Variants in ATRX observed in about 807,000 individuals in gnomAD.
ATRX encodes the protein ATRX chromatin remodeler.
Under a neutral mutation model 172.6 loss-of-function variants are expected in ATRX, and 12 were observed. The observed-to-expected ratio is 0.07, with a 90% CI of 0.04 to 0.11. The LOEUF (loss-of-function observed/expected upper bound fraction) is 0.11, where lower values mean the gene tolerates loss of function less well. Among genes scored for constraint, ATRX ranks in the 10% least tolerant of loss-of-function variants. ATRX has a pLI of 1.00. For missense variants in ATRX, 1,368 were observed against 1,767.4 expected, an observed-to-expected ratio of 0.77 and a Z score of 4.05; for synonymous variants, 674 against 594.7, an observed-to-expected ratio of 1.13 and a Z score of -1.94.
intron 34 of ATRX, among the ~76,000 whole-genome samples, chrX:77,516,246 A>T (rs1557039066): frequency 8.9e-6 from 1 of 112,154 alleles, no homozygotes; most frequent in Admixed American, 9.4e-5. Context: ...AAACAGAATA[A>T]CAGTGAATAT....
intron 10 of ATRX, chrX:77,675,920 T>A (rs1211884184): frequency 5.0e-6 from 1 of 198,901 alleles, no homozygotes; most frequent in East Asian, 1.1e-4. Flanking sequence ...TCATCAATAA[T>A]CTGTCAAAAT....
In ATRX at chrX:77,696,693, A is replaced by T. The variant is rs1402319857; in HGVS notation, c.254T>A (p.Ile85Asn). ...GSSRSKRKPS[I>N]VTKYVESDDE... ...ATCTGATTCTACATACTTTGTTACA[A>T]TTGAAGGTTTCCTATGAAAGAATTA... The change falls in exon 5 of 35, where the codon ATT becomes AAT. Residue 85 changes from isoleucine (I) to asparagine (N), a missense_variant. Around this residue, in one of 17 missense-constraint regions of ATRX, gnomAD observed 84 missense variants for 82.8 expected, o/e 1.01. Transcript: ENST00000373344. 1.1e-5 allele frequency: 13 copies of T among 1,198,120 alleles called. No homozygotes were observed. Among genetic ancestry groups the T allele is most frequent in the Non-Finnish European group, 1.1e-5 (10 of 884,032 alleles).
rs897147546 is a variant in ATRX, at chrX:77,682,776, C to G, written c.2480G>C (p.Ser827Thr). ...YDSELEKEIK[S>T]MSKIGAARTT... is the part of the protein sequence containing the mutation. ...TCTGGCAGCACCAATTTTACTCATG[C>G]TCTTTATCTCTTTTTCTAATTCTGA... is the stretch of plus-strand genomic sequence containing the variant. Residue 827 changes from serine (S) to threonine (T), a missense_variant, in exon 9 of 35, where the codon AGC becomes ACC. By Grantham distance (58) the Ser-to-Thr change is moderately conservative. Around this residue, in one of 17 missense-constraint regions of ATRX, gnomAD observed 843 missense variants for 643.1 expected, o/e 1.31. Transcript: ENST00000373344. 8.3e-7 allele frequency: 1 copy of G among 1,208,109 alleles called. No individual in the cohort carries two copies. The highest frequency in any genetic ancestry group is 1.1e-6 in the Non-Finnish European group (1 of 894,594).
chrX:77,761,961 T>C (rs782290000), intron 1 of ATRX, among the ~76,000 whole-genome samples: 12 of 111,397 alleles, frequency 1.1e-4, no homozygotes, highest in African/African-American at 6.5e-5. Flanking sequence ...GGTTCATCTA[T>C]GTTGTCACCA....
chrX:77,643,586 A>G (rs782362030), intron 15 of ATRX, among the ~76,000 whole-genome samples: 1 of 110,600 alleles, frequency 9.0e-6, no homozygotes, highest in African/African-American at 3.3e-5. Context: ...ACGCCCAACT[A>G]GTCTTTATTT....
intron 19 of ATRX, among the ~76,000 whole-genome samples, chrX:77,630,194 A>G (rs2068048067): frequency 8.9e-6 from 1 of 112,339 alleles, no homozygotes; most frequent in African/African-American, 3.2e-5. Context: ...CTTTTACACT[A>G]AAGAAATTAA....
Position 77,683,651 on chromosome X carries a change from A to C in ATRX, c.1605T>G (p.Ala535=). 1 of 1,211,011 alleles carries C rather than the reference A, an allele frequency of 8.3e-7. No homozygotes were observed. Among genetic ancestry groups the C allele is most frequent in the Non-Finnish European group, 1.1e-6 (1 of 894,926 alleles). Residue 535 remains alanine, a synonymous_variant, in exon 9 of 35, where the codon GCT becomes GCG. Coordinates refer to ENST00000373344, the MANE Select transcript of ATRX (RefSeq NM_000489.6). Reference sequence around the variant, plus strand: ...GATCAACTGAACTCTGAACTTCCATAGCAGTCTCAAGATTCTCAAAAATGT... The same window carrying C: ...GATCAACTGAACTCTGAACTTCCATCGCAGTCTCAAGATTCTCAAAAATGT... ...PEDIFENLET[A]MEVQSSVDHQ...
chrX:77,730,873 A>G (rs1368817833), intron 1 of ATRX, among the ~76,000 whole-genome samples: 2 of 111,058 alleles, frequency 1.8e-5, no homozygotes, highest in Non-Finnish European at 3.8e-5. Context: ...TGCCTACATG[A>G]AAAAAGAAGA....
rs782563327 is a variant in ATRX at position 77,683,033 on chromosome X, C to A, written c.2223G>T (p.Val741=). Reference sequence around the variant, plus strand: ...AAGAAGAACTGTGACTCATCCTGCTCACCTCTTTGAGGATTGCTAGCATTT... The same window carrying A: ...AAGAAGAACTGTGACTCATCCTGCTAACCTCTTTGAGGATTGCTAGCATTT... ...SDEMLAILKE[V]SRMSHSSSSD... The change falls in exon 9 of 35, where the codon GTG becomes GTT. Residue 741 remains valine, a synonymous_variant. Transcript: ENST00000373344. 8.3e-7 allele frequency: 1 copy of A among 1,210,673 alleles called. No individual in the cohort carries two copies. The highest frequency in any genetic ancestry group is 2.2e-5 in the Admixed American group (1 of 45,997).
intron 6 of ATRX, among the ~76,000 whole-genome samples, chrX:77,693,075 T>TG (rs782564765): frequency 1.8e-5 from 2 of 110,866 alleles, no homozygotes; most frequent in African/African-American, 3.3e-5. Flanking sequence ...TTTGTAGATA[T>TG]GGGGTCTCAC....
intron 2 of ATRX, among the ~76,000 whole-genome samples, chrX:77,708,469 C>T (rs782256784): frequency 2.8e-4 from 31 of 110,199 alleles, no homozygotes; most frequent in Admixed American, 2.1e-3. Context: ...GAGACCAGCC[C>T]GGCCAACATG....
intron 2 of ATRX, among the ~76,000 whole-genome samples, chrX:77,709,915 G>A (rs184209433): frequency 5.3e-5 from 6 of 112,265 alleles, no homozygotes; most frequent in African/African-American, 1.6e-4. Flanking sequence ...ATATAAAAAC[G>A]TATATATAAA....
intron 27 of ATRX, among the ~76,000 whole-genome samples, chrX:77,579,382 C>T (rs1316520603): frequency 4.5e-5 from 5 of 111,869 alleles, no homozygotes; most frequent in African/African-American, 1.6e-4. Flanking sequence ...GTGCTATACC[C>T]GCAGTGGTAG....
intron 34 of ATRX, among the ~76,000 whole-genome samples, chrX:77,518,405 G>A (rs782756017): frequency 8.9e-6 from 1 of 111,960 alleles, no homozygotes; most frequent in East Asian, 2.8e-4. Context: ...CCCATTTACA[G>A]TAGCCACAGT....
intron 1 of ATRX, among the ~76,000 whole-genome samples, chrX:77,771,291 A>C (rs782275543): frequency 1.9e-5 from 2 of 107,854 alleles, no homozygotes; most frequent in Non-Finnish European, 3.8e-5. Flanking sequence ...CAGAAGAATC[A>C]CTTAAACCCA....
intron 1 of ATRX, among the ~76,000 whole-genome samples, chrX:77,767,929 T>G (rs187505038): frequency 1.3e-4 from 14 of 111,594 alleles, no homozygotes; most frequent in Non-Finnish European, 2.3e-4. Flanking sequence ...AACAGGTCAC[T>G]GAGATAAAAT....
intron 1 of ATRX, among the ~76,000 whole-genome samples, chrX:77,727,572 AAC>A (rs782693845): frequency 1.8e-5 from 2 of 110,463 alleles, no homozygotes; most frequent in South Asian, 7.7e-4. Flanking sequence ...TCAGCAAACT[AAC>A]ACAGGAACAG....
intron 25 of ATRX, chrX:77,594,110 T>C (rs1393006344): frequency 7.0e-6 from 2 of 285,825 alleles, no homozygotes; most frequent in African/African-American, 5.5e-5. Context: ...AGATTGACTC[T>C]GAGAGAGTGC....
At position 77,766,322 on chromosome X, in the gene ATRX, A is replaced by AC. The variant is rs1438365985; in HGVS notation, c.20+19659dup. ...GGGCGGCTGGCCGGGCGGGGGGCTG[A>AC]CCCCCCCACCTCCCTCCTGGACGGG... On this transcript the variant is annotated intron_variant, in intron 1 of 34. Coordinates refer to ENST00000373344, the MANE Select transcript of ATRX (RefSeq NM_000489.6). Among the ~76,000 whole-genome samples, 10 of 95,621 alleles carry AC rather than the reference A, an allele frequency of 1.0e-4. No individual in the cohort carries two copies. The East Asian group carries it at 1.3e-3, about 13-fold the overall frequency. 83.0% of individuals were successfully genotyped at this position (95,621 alleles called of 115,157 possible). A position where few individuals can be genotyped will look rare whatever the true frequency, so the allele number is the denominator to read the frequency against.
Sources: gnomAD v4.1 joint callset for allele counts (sites outside exome capture counted in the v4.1 genomes callset) on GRCh38, gnomAD v4.1.1 for gene constraint, gnomAD v4.1.1 regional missense constraint, MANE v1.5 for transcripts, NCBI Gene and HGNC (gene_info 2026-07-23, HGNC 2026-07-21) for gene names.